Variants in GATA4 observed in about 807,000 individuals in gnomAD.
The protein encoded by GATA4 is transcription factor GATA-4.
In GATA4, 7 loss-of-function variants were observed where a neutral mutation model predicts 37.9. That is an observed-to-expected ratio of 0.18 (90% CI 0.11 to 0.35). The LOEUF is 0.35. GATA4 is among the 10% of genes least tolerant of loss of function. GATA4 has a pLI of 1.00. For missense variants in GATA4, 647 were observed against 653.0 expected (o/e 0.99, Z 0.10); for synonymous variants, 372 against 292.6 (o/e 1.27, Z -2.77).
At chr8:11,715,728 A>C in intron 2 of GATA4, among the ~76,000 whole-genome samples, 1 of 152,086 alleles carries the variant, frequency 6.6e-6, no homozygotes, top group Non-Finnish European at 1.5e-5. Flanking sequence ...GCGACAGAGC[A>C]AGACTCCATC....
intron 2 of GATA4, among the ~76,000 whole-genome samples, chr8:11,743,009 T>C (rs1284011014): frequency 6.6e-6 from 1 of 152,228 alleles, no homozygotes; most frequent in African/African-American, 2.4e-5. Flanking sequence ...CCTTCTGTGT[T>C]GTATCTCCTT....
upstream of GATA4, among the ~76,000 whole-genome samples, chr8:11,702,763 G>C (rs1189549151): frequency 6.6e-6 from 1 of 152,084 alleles, no homozygotes; most frequent in Non-Finnish European, 1.5e-5. The surrounding 1 kb of genome is among the most constrained non-coding windows in gnomAD (Gnocchi z 4.4). Flanking sequence ...GGCGGCTGCC[G>C]TGCGTCCAGC....
At chr8:11,689,568 G>T (rs550877513), upstream of GATA4, among the ~76,000 whole-genome samples, 1 of 152,218 alleles carries the variant, frequency 6.6e-6, no homozygotes, top group Non-Finnish European at 1.5e-5. Flanking sequence ...TCAGCCTAGA[G>T]GTGCAATATG....
intron 1 of GATA4, among the ~76,000 whole-genome samples, chr8:11,693,689 G>A (rs1799413543): frequency 6.6e-6 from 1 of 152,090 alleles, no homozygotes; most frequent in African/African-American, 2.4e-5. Flanking sequence ...ACACCAGGAG[G>A]AGGTGATGGA....
chr8:11,749,934 CA>C lies in GATA4; in HGVS notation c.787-176del, dbSNP rs1802214989. 6.6e-6 allele frequency among the ~76,000 whole-genome samples: 1 copy of C among 152,224 alleles called. No individual in the cohort carries two copies. The highest frequency in any genetic ancestry group is 1.5e-5 in the Non-Finnish European group (1 of 68,030). ...AAACCTTGTTCTGATTTATTCCTCG[CA>C]GTGGCGCAGGTGACAGGAGAGTTAG... On this transcript the variant is annotated intron_variant, in intron 3 of 6. Transcript: ENST00000532059. The surrounding 1 kb of genome is among the most constrained non-coding windows in gnomAD (Gnocchi z 4.6).
rs1419549355 is a variant in GATA4, at chr8:11,697,804, A to G, written c.-728-2704A>G. 10 of 985,442 alleles carry G rather than the reference A, an allele frequency of 1.0e-5. No individual in the cohort carries two copies. The East Asian group carries it at 4.5e-4, about 45-fold the overall frequency. 61.0% of individuals were successfully genotyped at this position (985,442 alleles called of 1,614,324 possible). On this transcript the variant is annotated intron_variant, in intron 1 of 2. Coordinates refer to the GATA4 transcript ENST00000526974. ...CTCCGGGTCACCTCGGGGCGAGGGC[A>G]AGGGTGCCGGGCCGGTGGGGCGTTC...
intron 1 of GATA4, among the ~76,000 whole-genome samples, chr8:11,695,806 G>A (rs926910139): frequency 2.6e-5 from 4 of 152,142 alleles, no homozygotes; most frequent in Non-Finnish European, 4.4e-5. Flanking sequence ...TGAGTGCACC[G>A]GCGCTCGTAT....
intron 1 of GATA4, among the ~76,000 whole-genome samples, chr8:11,677,983 G>T (rs1798835924): frequency 6.6e-6 from 1 of 150,838 alleles, no homozygotes; most frequent in Non-Finnish European, 1.5e-5. Flanking sequence ...CCTTAAATCT[G>T]ATTTGTAGCT....
rs556288281 is a variant in GATA4, at chr8:11,746,765, G to A, written c.617-2151G>A. 2.6e-5 allele frequency among the ~76,000 whole-genome samples: 4 copies of A among 152,360 alleles called. No homozygotes were observed. In the South Asian group the frequency reaches 8.3e-4, roughly 32 times the overall value. ...GCGGGAGTGGCCGCATCTCATGGGC[G>A]GCTCTGAGGGCAGGCGACCTTGGTG... On this transcript the variant is annotated intron_variant, in intron 2 of 6. Coordinates refer to ENST00000532059, the MANE Select transcript of GATA4 (RefSeq NM_001308093.3).
intron 2 of GATA4, among the ~76,000 whole-genome samples, chr8:11,719,160 A>G (rs559338316): frequency 1.3e-5 from 2 of 151,592 alleles, no homozygotes; most frequent in African/African-American, 4.8e-5. Context: ...CAAGGTCTGC[A>G]ATGACCTTTT....
chr8:11,695,538 C>G (rs1474232166), intron 1 of GATA4, among the ~76,000 whole-genome samples: 1 of 152,210 alleles, frequency 6.6e-6, no homozygotes, highest in Non-Finnish European at 1.5e-5. Flanking sequence ...GTCCTACGCT[C>G]AAGGGGCCAA....
chr8:11,703,210 G>C (rs1424388771), upstream of GATA4, among the ~76,000 whole-genome samples: 1 of 152,138 alleles, frequency 6.6e-6, no homozygotes, highest in African/African-American at 2.4e-5. Flanking sequence ...GAAAGCGTGA[G>C]AGCCACCCGC....
intron 2 of GATA4, among the ~76,000 whole-genome samples, chr8:11,730,269 T>C (rs1392792607): frequency 1.3e-5 from 2 of 152,076 alleles, no homozygotes; most frequent in Non-Finnish European, 2.9e-5. Flanking sequence ...GCTGCAGGAG[T>C]GACAGGGACG....
chr8:11,723,954 C>G (rs1458946221), intron 2 of GATA4, among the ~76,000 whole-genome samples: 1 of 152,190 alleles, frequency 6.6e-6, no homozygotes, highest in Admixed American at 6.5e-5. Context: ...AACTCTGTAC[C>G]CATTAAATAA....
At chr8:11,736,340 CTG>C (rs1287684577) in intron 2 of GATA4, among the ~76,000 whole-genome samples, 1 of 152,228 alleles carries the variant, frequency 6.6e-6, no homozygotes, top group African/African-American at 2.4e-5. Context: ...TAGAAATCAT[CTG>C]TTCCAACTAC....
rs1800101386 is a variant in GATA4 at position 11,709,989 on chromosome 8, C to G, written c.616+1061C>G. On this transcript the variant is annotated intron_variant, in intron 2 of 6. Coordinates refer to ENST00000532059, the MANE Select transcript of GATA4 (RefSeq NM_001308093.3). The surrounding 1 kb of genome is among the most constrained non-coding windows in gnomAD (Gnocchi z 4.3). ...AAGCCCAGGCTTGAGAAGCAAAGCT[C>G]GCGTTTATTGACCACCTACTAAGTG... Among the ~76,000 whole-genome samples the G allele has an allele frequency of 6.6e-6, 1 of 152,180 alleles. No individual in the cohort carries two copies. The highest frequency in any genetic ancestry group is 1.5e-5 in the Non-Finnish European group (1 of 68,038).
intron 4 of GATA4, among the ~76,000 whole-genome samples, chr8:11,754,437 C>T (rs182343274): frequency 1.6e-4 from 24 of 152,260 alleles, no homozygotes; most frequent in Non-Finnish European, 2.8e-4. Context: ...AGGATGGTCT[C>T]GAACTCCTGG....
intron 2 of GATA4, among the ~76,000 whole-genome samples, chr8:11,735,262 T>C (rs1219988365): frequency 6.6e-6 from 1 of 152,252 alleles, no homozygotes; most frequent in African/African-American, 2.4e-5. Flanking sequence ...ATCTTTAAAA[T>C]TGCAAAGCAA....
chr8:11,680,256 G>A (rs1394032882), intron 1 of GATA4, among the ~76,000 whole-genome samples: 1 of 152,250 alleles, frequency 6.6e-6, no homozygotes, highest in Non-Finnish European at 1.5e-5. Flanking sequence ...GGGCAGGCGG[G>A]AGACCAGGCG....
Sources: gnomAD v4.1 joint callset for allele counts (sites outside exome capture counted in the v4.1 genomes callset) on GRCh38, gnomAD v4.1.1 for gene constraint, Gnocchi (gnomAD v3.1) non-coding constraint, MANE v1.5 for transcripts, NCBI Gene and HGNC (gene_info 2026-07-23, HGNC 2026-07-21) for gene names.